Variants in WDPCP observed in about 807,000 individuals in gnomAD.
WDPCP encodes the protein WD repeat containing planar cell polarity effector.
In WDPCP, 71 loss-of-function variants were observed where a neutral mutation model predicts 93.1. The ratio of observed to expected loss-of-function variants is 0.76; its 90% CI spans 0.63 to 0.93. The LOEUF is 0.93. Among genes scored for constraint, WDPCP ranks in the 40% least tolerant of loss-of-function variants. The pLI, the probability that WDPCP is intolerant of heterozygous loss-of-function variation, is 0.00. For synonymous variants in WDPCP, 315 were observed against 315.0 expected (o/e 1.00, Z 0.00); for missense variants, 844 against 887.4 (o/e 0.95, Z 0.62).
At chr2:63,548,606 G>A (rs1419518748) in intron 1 of WDPCP, among the ~76,000 whole-genome samples, 2 of 151,694 alleles carry the variant, frequency 1.3e-5, no homozygotes, top group Non-Finnish European at 2.9e-5. Flanking sequence ...CAAATGGACC[G>A]CATCTTAAGT....
rs1707957081 is a variant in WDPCP at position 63,575,463 on chromosome 2, ATATG to A, written c.75+12730_75+12733del. Reference sequence around the variant, plus strand: ...AGTGTATACACTGTATATACAGTATATATGCAGTATATACAGTGTATATATAGTA... The same window carrying A: ...AGTGTATACACTGTATATACAGTATACAGTATATACAGTGTATATATAGTA... On this transcript the variant is annotated intron_variant, in intron 1 of 17. Transcript: ENST00000272321. Among the ~76,000 whole-genome samples the A allele has an allele frequency of 5.8e-4, 17 of 29,142 alleles. 3 individuals carry two copies. The highest frequency in any genetic ancestry group is 1.2e-3 in the Admixed American group (3 of 2,436). The allele number at this position is 29,142 out of a possible 152,430, so 19.1% of individuals were successfully genotyped here.
At chr2:63,236,254 C>T (rs1679382237) in intron 14 of WDPCP, among the ~76,000 whole-genome samples, 1 of 152,044 alleles carries the variant, frequency 6.6e-6, no homozygotes, top group South Asian at 2.1e-4. Context: ...AAATAAAATA[C>T]TTAAGAATAC....
At chr2:63,205,553 A>C (rs1676277056) in intron 14 of WDPCP, among the ~76,000 whole-genome samples, 1 of 152,048 alleles carries the variant, frequency 6.6e-6, no homozygotes, top group Non-Finnish European at 1.5e-5. Flanking sequence ...TCTTTGGTTA[A>C]ATTAATTCCT....
intron 13 of WDPCP, among the ~76,000 whole-genome samples, chr2:63,286,043 T>G (rs1056951097): frequency 7.2e-5 from 11 of 152,118 alleles, no homozygotes; most frequent in Non-Finnish European, 1.6e-4. Flanking sequence ...GGTCTTTCTC[T>G]GTCACCCAAG....
chr2:63,141,883 A>G (rs1671083991), intron 17 of WDPCP, among the ~76,000 whole-genome samples: 1 of 152,110 alleles, frequency 6.6e-6, no homozygotes, highest in South Asian at 2.1e-4. Context: ...TTTTCCAGGA[A>G]TTTATCCATC....
chr2:63,390,752 C>T (rs561520839), intron 10 of WDPCP, among the ~76,000 whole-genome samples: 5 of 152,214 alleles, frequency 3.3e-5, no homozygotes, highest in African/African-American at 1.2e-4. Context: ...TCAGAGAATA[C>T]TATAAACACC....
At chr2:63,743,588 A>G (rs1173973814) in intron 2 of WDPCP, among the ~76,000 whole-genome samples, 2 of 152,138 alleles carry the variant, frequency 1.3e-5, no homozygotes, top group Non-Finnish European at 2.9e-5. Flanking sequence ...AATTCATATG[A>G]AAGTTAATCC....
intron 1 of WDPCP, among the ~76,000 whole-genome samples, chr2:63,553,992 C>G (rs1016219156): frequency 6.6e-6 from 1 of 152,202 alleles, no homozygotes; most frequent in Non-Finnish European, 1.5e-5. Flanking sequence ...CACAGTACAA[C>G]CATCAAAATT....
At chr2:63,649,637 G>T (rs1575738611) in intron 3 of WDPCP, among the ~76,000 whole-genome samples, 1 of 152,190 alleles carries the variant, frequency 6.6e-6, no homozygotes, top group Non-Finnish European at 1.5e-5. Context: ...GTTTTCCATA[G>T]AAATACCTAA....
intron 12 of WDPCP, among the ~76,000 whole-genome samples, chr2:63,368,317 T>TA (rs1473138050): frequency 2.2e-5 from 2 of 90,864 alleles, no homozygotes. Context: ...TTTATTTATT[T>TA]ATTTATTTAT....
At chr2:63,419,224 C>A (rs893935883) in intron 9 of WDPCP, among the ~76,000 whole-genome samples, 5 of 152,166 alleles carry the variant, frequency 3.3e-5, no homozygotes, top group Non-Finnish European at 7.4e-5. Flanking sequence ...CTCACTGCAA[C>A]CTCCACCTCC....
At chr2:63,524,705 T>C (rs1703191891) in intron 1 of WDPCP, among the ~76,000 whole-genome samples, 1 of 152,218 alleles carries the variant, frequency 6.6e-6, no homozygotes, top group South Asian at 2.1e-4. Context: ...AAAGATTTCA[T>C]GATGAAGATG....
intron 1 of WDPCP, among the ~76,000 whole-genome samples, chr2:63,521,839 C>A (rs1264867488): frequency 1.3e-5 from 2 of 152,110 alleles, no homozygotes; most frequent in African/African-American, 4.8e-5. Context: ...CACTCTCGGG[C>A]CACAGCGCAA....
In WDPCP at chr2:63,719,776, T is replaced by C. The variant is rs116160912; in HGVS notation, n.309-68938A>G. Among the ~76,000 whole-genome samples the C allele has an allele frequency of 4.1e-3, 625 of 152,282 alleles. 1 individual carries two copies. Among genetic ancestry groups the C allele is most frequent in the Middle Eastern group, 0.02 (6 of 294 alleles). On this transcript the variant is annotated intron_variant and non_coding_transcript_variant, in intron 2 of 4. Transcript: ENST00000467687. ...ATAAGGCTTATAATTTATAAAAGTT[T>C]ATGTTATAAAAGTTTTTAAAAGTTT...
chr2:63,249,171 G>A (rs191466349), intron 14 of WDPCP, among the ~76,000 whole-genome samples: 25 of 152,152 alleles, frequency 1.6e-4, no homozygotes, highest in Admixed American at 2.6e-4. Flanking sequence ...GCTGTGTGCC[G>A]GGACAGTCCC....
rs1558832182 is a variant in WDPCP at position 63,575,421 on chromosome 2, GTATACAGT to G, written c.75+12768_75+12775del. On this transcript the variant is annotated intron_variant, in intron 1 of 17. Coordinates refer to ENST00000272321, the MANE Select transcript of WDPCP (RefSeq NM_015910.7). Reference sequence around the variant, plus strand: ...ACAGTATATATACAGTATATACACTGTATACAGTGTATATACAGTGTATACACTGTATA... The same window carrying G: ...ACAGTATATATACAGTATATACACTGGTATATACAGTGTATACACTGTATA... 1.7e-3 allele frequency among the ~76,000 whole-genome samples: 91 copies of G among 53,700 alleles called. 2 individuals are homozygous for G. Among genetic ancestry groups the G allele is most frequent in the African/African-American group, 0.012 (87 of 7,344 alleles). 35.2% of individuals were successfully genotyped at this position (53,700 alleles called of 152,430 possible).
chr2:63,309,204 C>T (rs1475837374), intron 13 of WDPCP, among the ~76,000 whole-genome samples: 1 of 152,102 alleles, frequency 6.6e-6, no homozygotes, highest in Admixed American at 6.6e-5. Flanking sequence ...CTCACCATTA[C>T]TCAGTGTATC....
intron 2 of WDPCP, among the ~76,000 whole-genome samples, chr2:63,704,616 G>T (rs564948907): frequency 6.6e-6 from 1 of 152,290 alleles, no homozygotes; most frequent in East Asian, 1.9e-4. Flanking sequence ...ATTTGCATAG[G>T]TTGAACCACC....
intron 12 of WDPCP, among the ~76,000 whole-genome samples, chr2:63,320,316 A>G (rs2104103185): frequency 6.6e-6 from 1 of 152,332 alleles, no homozygotes; most frequent in Middle Eastern, 3.4e-3. Flanking sequence ...ACACCGTAAG[A>G]AAGACTAAAA....
Sources: allele counts gnomAD v4.1 joint callset (sites outside exome capture counted in the v4.1 genomes callset), GRCh38; gene constraint gnomAD v4.1.1; transcripts MANE v1.5; gene names NCBI Gene and HGNC (gene_info 2026-07-23, HGNC 2026-07-21).